The following GCNT3 variants were observed in gnomAD, a reference collection of about 807,000 sequenced individuals.
GCNT3 encodes the protein glucosaminyl (N-acetyl) transferase 3, mucin type.
For missense variants in GCNT3, 708 were observed against 530.3 expected, an observed-to-expected ratio of 1.34 and a Z score of -3.29; for synonymous variants, 269 against 195.2, an observed-to-expected ratio of 1.38 and a Z score of -3.15.
intron 1 of GCNT3, among the ~76,000 whole-genome samples, chr15:59,615,400 G>A (rs2082714608): frequency 6.6e-6 from 1 of 152,106 alleles, no homozygotes; most frequent in Admixed American, 6.6e-5. Context: ...ACTCTTCAGA[G>A]CCATGAGTTT....
At position 59,621,049 on chromosome 15, in the gene GCNT3, AT is replaced by A. The variant is rs1411954949; in HGVS notation, c.*1499del. ...AGATGTGAGCCACCATGCCCAGCTGATTTTTGTGTATTTTTAGTAAAGATGG... is the reference window on the plus strand; with the variant it reads ...AGATGTGAGCCACCATGCCCAGCTGATTTTGTGTATTTTTAGTAAAGATGG... On this transcript the variant is annotated 3_prime_UTR_variant, in exon 3 of 3. Coordinates refer to ENST00000396065, the MANE Select transcript of GCNT3 (RefSeq NM_004751.3). The A allele has an allele frequency of 6.6e-6, 1 of 150,404 alleles. No homozygotes were observed. The highest frequency in any genetic ancestry group is 1.5e-5 in the Non-Finnish European group (1 of 67,632). 9.3% of individuals were successfully genotyped at this position (150,404 alleles called of 1,614,324 possible).
rs767379702 is a variant in GCNT3 at position 59,618,259 on chromosome 15, C to G, written c.21C>G (p.Leu7=). The stretch of plus-strand genomic sequence containing the variant: ...TGACGATGGTTCAATGGAAGAGACT[C>G]TGCCAGCTGCATTACTTGTGGGCTC... MVQWKR[L]CQLHYLWALG... is the part of the protein sequence containing the mutation. The change falls in exon 3 of 3, where the codon CTC becomes CTG. Residue 7 remains leucine (L), a synonymous_variant. Transcript: ENST00000396065. The G allele has an allele frequency of 6.3e-6, 10 of 1,581,826 alleles. No homozygotes were observed. Among genetic ancestry groups the G allele is most frequent in the Non-Finnish European group, 8.6e-6 (10 of 1,163,712 alleles).
rs1416166796 is a variant in GCNT3 at position 59,619,802 on chromosome 15, A to C, written c.*247A>C. ...TCCACTAACTTTCTCACTAAGTGAGAATGAGAACTGCTGTGATAGGGAGAG... is the reference window on the plus strand; with the variant it reads ...TCCACTAACTTTCTCACTAAGTGAGCATGAGAACTGCTGTGATAGGGAGAG... On this transcript the variant is annotated 3_prime_UTR_variant, in exon 3 of 3. Transcript: ENST00000396065. The C allele has an allele frequency of 5.1e-6, 2 of 393,208 alleles. No individual in the cohort carries two copies. The highest frequency in any genetic ancestry group is 9.7e-6 in the Non-Finnish European group (2 of 205,620). The allele number at this position is 393,208 out of a possible 1,614,324, so 24.4% of individuals were successfully genotyped here. A position where few individuals can be genotyped will look rare whatever the true frequency, so the allele number is the denominator to read the frequency against.
intron 1 of GCNT3, 91 bp downstream of exon 1, chr15:59,612,072 C>T (rs560433775): frequency 6.6e-6 from 1 of 152,254 alleles, no homozygotes; most frequent in African/African-American, 2.4e-5. Context: ...GGGCCCTTCT[C>T]TGACGCTGGT....
Position 59,620,031 on chromosome 15 carries a change from A to C in GCNT3, c.*476A>C, listed in dbSNP as rs1236892326. On this transcript the variant is annotated 3_prime_UTR_variant, in exon 3 of 3. Transcript: ENST00000396065. ...AAAGTATTACCTCTACTTTTTGCCT[A>C]GTATGCCAGAAATAATATAAATATA... 1 of 170,130 alleles carries C rather than the reference A, an allele frequency of 5.9e-6. No individual in the cohort carries two copies. The highest frequency in any genetic ancestry group is 2.4e-5 in the African/African-American group (1 of 41,450). 10.5% of individuals were successfully genotyped at this position (170,130 alleles called of 1,614,324 possible).
rs536974873 is a variant in GCNT3, at chr15:59,619,466, A to T, written c.1228A>T (p.Asn410Tyr). 7 of 1,614,172 alleles carry T rather than the reference A, an allele frequency of 4.3e-6. No homozygotes were observed. In the East Asian group the frequency reaches 1.6e-4, roughly 36 times the overall value. Residue 410 changes from asparagine (N) to tyrosine (Y), a missense_variant, in exon 3 of 3, where the codon AAC becomes TAC. Transcript: ENST00000396065. ...WMLQNHHLLANKFDPKVDDNA... is the reference protein window; with the variant it reads ...WMLQNHHLLAYKFDPKVDDNA... ...GCTTCAAAACCATCACCTGTTGGCC[A>T]ACAAGTTTGACCCAAAGGTAGATGA...
At position 59,622,075 on chromosome 15, in the gene GCNT3, G is replaced by T. The variant is rs1159583624; in HGVS notation, c.*2520G>T. Reference sequence around the variant, plus strand: ...CGCCTGTAATCCCAGCACTTTGGGAGGCCAAGGTAGGCAGATCACTTGAGG... The same window carrying T: ...CGCCTGTAATCCCAGCACTTTGGGATGCCAAGGTAGGCAGATCACTTGAGG... On this transcript the variant is annotated 3_prime_UTR_variant, in exon 3 of 3. Transcript: ENST00000396065. The T allele has an allele frequency of 6.6e-6, 1 of 151,718 alleles. No individual in the cohort carries two copies. 9.4% of individuals were successfully genotyped at this position (151,718 alleles called of 1,614,324 possible). A position where few individuals can be genotyped will look rare whatever the true frequency, so the allele number is the denominator to read the frequency against.
intron 1 of GCNT3, chr15:59,616,312 C>A (rs1183852392): frequency 6.6e-6 from 1 of 152,010 alleles, no homozygotes; most frequent in South Asian, 2.1e-4. Flanking sequence ...AAGAAAAATC[C>A]TTGAAGAGTA....
At chr15:59,613,996 A>T (rs1237833939) in intron 1 of GCNT3, among the ~76,000 whole-genome samples, 2 of 152,208 alleles carry the variant, frequency 1.3e-5, no homozygotes, top group South Asian at 2.1e-4. Flanking sequence ...AGCCTGGGTG[A>T]CAGCGAGACC....
At chr15:59,616,347 T>C (rs1768395938) in intron 1 of GCNT3, 1 of 152,144 alleles carries the variant, frequency 6.6e-6, no homozygotes, top group Admixed American at 6.5e-5. Flanking sequence ...TCTTGTAATG[T>C]TCAGGGAACA....
intron 2 of GCNT3, 177 bp from the exon 3 acceptor site, chr15:59,618,002 T>C: frequency 2.8e-6 from 1 of 351,920 alleles, no homozygotes. Context: ...GGTCGGCTAG[T>C]TTGTAGGGTC....
rs3743120 is a variant in GCNT3 at position 59,619,771 on chromosome 15, A to C, written c.*216A>C. The C allele has an allele frequency of 0.081, 39,189 of 481,518 alleles. 3,392 individuals carry two copies. The highest frequency in any genetic ancestry group is 0.29 in the East Asian group (8,067 of 27,900). 29.8% of individuals were successfully genotyped at this position (481,518 alleles called of 1,614,324 possible). On this transcript the variant is annotated 3_prime_UTR_variant, in exon 3 of 3. Transcript: ENST00000396065. ...TTGTTCTCTCACCCCTAACCCTAGT[A>C]GTTCCTCCACTAACTTTCTCACTAA...
rs530663624 is a variant in GCNT3, at chr15:59,619,815, G to T, written c.*260G>T. 1.7e-3 allele frequency: 606 copies of T among 347,842 alleles called. 5 individuals carry two copies. Among genetic ancestry groups the T allele is most frequent in the Non-Finnish European group, 1.3e-3 (228 of 179,698 alleles). 21.5% of individuals were successfully genotyped at this position (347,842 alleles called of 1,614,324 possible). On this transcript the variant is annotated 3_prime_UTR_variant, in exon 3 of 3. Coordinates refer to ENST00000396065, the MANE Select transcript of GCNT3 (RefSeq NM_004751.3). ...TCACTAAGTGAGAATGAGAACTGCTGTGATAGGGAGAGTGAAGGAGGGATA... is the reference window on the plus strand; with the variant it reads ...TCACTAAGTGAGAATGAGAACTGCTTTGATAGGGAGAGTGAAGGAGGGATA...
intron 1 of GCNT3, chr15:59,615,301 G>T (rs1309986712): frequency 6.6e-6 from 1 of 152,180 alleles, no homozygotes; most frequent in African/African-American, 2.4e-5. Context: ...TATCGGCAAA[G>T]ATTTCATTTG....
chr15:59,612,188 A>G (rs146865712), intron 1 of GCNT3, among the ~76,000 whole-genome samples: 98 of 152,260 alleles, frequency 6.4e-4, no homozygotes, highest in African/African-American at 2.3e-3. Context: ...TCTGTTTCCC[A>G]TGACTGGAAC....
rs768707580 is a variant in GCNT3 at position 59,618,993 on chromosome 15, T to C, written c.755T>C (p.Met252Thr). The change falls in exon 3 of 3, where the codon ATG becomes ACG. Residue 252 changes from methionine to threonine, a missense_variant. Physicochemically the swap from Met to Thr is moderately conservative, Grantham distance 81. Transcript: ENST00000396065. ...AAGATGTTGAATGGGAGGAATAGCA[T>C]GGAGTCAGAGGTACCTCCTAAGCAC... is the stretch of plus-strand genomic sequence containing the variant. Reference protein sequence around the residue: ...ALKMLNGRNSMESEVPPKHKE... With the variant: ...ALKMLNGRNSTESEVPPKHKE... 3 of 1,614,112 alleles carry C rather than the reference T, an allele frequency of 1.9e-6. No homozygotes were observed. In the South Asian group the frequency reaches 3.3e-5, roughly 18 times the overall value.
rs3743119 is a variant in GCNT3, at chr15:59,619,693, G to C, written c.*138G>C. On this transcript the variant is annotated 3_prime_UTR_variant, in exon 3 of 3. Coordinates refer to ENST00000396065, the MANE Select transcript of GCNT3 (RefSeq NM_004751.3). Reference sequence around the variant, plus strand: ...TTAGGATAAGAGGGCTGCTATTAGAGTGTGGGTAAGTAGATCTTTTGCCTT... The same window carrying C: ...TTAGGATAAGAGGGCTGCTATTAGACTGTGGGTAAGTAGATCTTTTGCCTT... 2 of 678,296 alleles carry C rather than the reference G, an allele frequency of 2.9e-6. No homozygotes were observed. The highest frequency in any genetic ancestry group is 5.4e-6 in the Non-Finnish European group (2 of 373,680). The allele number at this position is 678,296 out of a possible 1,614,324, so 42.0% of individuals were successfully genotyped here.
intron 1 of GCNT3, among the ~76,000 whole-genome samples, chr15:59,612,925 C>T (rs1272975317): frequency 6.6e-6 from 1 of 151,892 alleles, no homozygotes; most frequent in African/African-American, 2.4e-5. Context: ...TAGTCCTTTC[C>T]CTCACTACAT....
chr15:59,612,903 G>A (rs1052312913), intron 1 of GCNT3, among the ~76,000 whole-genome samples: 1 of 151,980 alleles, frequency 6.6e-6, no homozygotes, highest in Non-Finnish European at 1.5e-5. Flanking sequence ...CACAGAGATG[G>A]AGGGCAATTC....
Sources: allele counts gnomAD v4.1 joint callset (sites outside exome capture counted in the v4.1 genomes callset), GRCh38; gene constraint gnomAD v4.1.1; transcripts MANE v1.5; gene names NCBI Gene and HGNC (gene_info 2026-07-23, HGNC 2026-07-21).